The following SPPL2B variants were observed in gnomAD, a reference collection of about 807,000 sequenced individuals.
The protein encoded by SPPL2B is signal peptide peptidase-like 2B.
SPPL2B carries 39 observed loss-of-function variants against 59.7 expected under a neutral mutation model. The ratio of observed to expected loss-of-function variants is 0.65; its 90% CI spans 0.51 to 0.85. SPPL2B has a LOEUF of 0.85. SPPL2B is among the 40% of genes least tolerant of loss of function. The pLI, the probability that SPPL2B is intolerant of heterozygous loss-of-function variation, is 0.00. For missense variants in SPPL2B, 865 were observed against 849.0 expected (o/e 1.02, Z -0.23); for synonymous variants, 419 against 370.8 (o/e 1.13, Z -1.49).
In SPPL2B at chr19:2,345,318, G is replaced by A. The variant is rs758377846; in HGVS notation, c.1342G>A (p.Ala448Thr). ...QVQSSRVYFV[A>T]CTIAYGVGLL... ...ACAGTCCTCCAGGGTATACTTCGTG[G>A]CCTGCACCATCGGTAAGTGCCTCGG... Residue 448 changes from alanine to threonine, a missense_variant, in exon 13 of 15, where the codon GCC (alanine) becomes ACC (threonine). Ala to Thr is a moderately conservative substitution (Grantham distance 58). Coordinates refer to ENST00000613503, the MANE Select transcript of SPPL2B (RefSeq NM_152988.3). The A allele has an allele frequency of 1.4e-5, 23 of 1,613,184 alleles. 1 individual carries two copies. In the South Asian group the frequency reaches 1.9e-4, roughly 13 times the overall value.
intron 2 of SPPL2B, among the ~76,000 whole-genome samples, chr19:2,336,152 G>A (rs1002731074): frequency 1.3e-5 from 2 of 152,264 alleles, no homozygotes; most frequent in South Asian, 2.1e-4. Flanking sequence ...ACACCTGTGT[G>A]TGTGAGCATG....
At chr19:2,336,688 G>T (rs537083498) in intron 2 of SPPL2B, among the ~76,000 whole-genome samples, 30 of 150,816 alleles carry the variant, frequency 2.0e-4, no homozygotes, top group Admixed American at 2.0e-3. Context: ...CTGCTTGAGT[G>T]TGAGTGTGCA....
chr19:2,347,900 G>A (rs374734777), intron 13 of SPPL2B, among the ~76,000 whole-genome samples: 4 of 21,676 alleles, frequency 1.8e-4, no homozygotes, highest in Admixed American at 7.1e-4. Context: ...ACACACTCAC[G>A]CACTCTTATT....
intron 12 of SPPL2B, among the ~76,000 whole-genome samples, chr19:2,345,003 C>T (rs1364796658): frequency 1.3e-5 from 2 of 152,158 alleles, no homozygotes; most frequent in African/African-American, 2.4e-5. Context: ...CTCGCAGCCT[C>T]AGTGTCCCCA....
chr19:2,332,770 G>A lies in SPPL2B; in HGVS notation c.67-1832G>A, dbSNP rs1295856977. ...CTCCCTGTGCAGGCCGGGCTCCCCT[G>A]GGGGCCCACACTGAGGGTCTGCAGT... On this transcript the variant is annotated intron_variant, in intron 1 of 14. Transcript: ENST00000613503. The surrounding 1 kb of genome is among the most constrained non-coding windows in gnomAD (Gnocchi z 4.6). 1.3e-5 allele frequency among the ~76,000 whole-genome samples: 2 copies of A among 152,292 alleles called. No individual in the cohort carries two copies. Among genetic ancestry groups the A allele is most frequent in the East Asian group, 3.9e-4 (2 of 5,180 alleles).
At chr19:2,352,596 C>G (rs1246673618) in intron 14 of SPPL2B, among the ~76,000 whole-genome samples, 1 of 152,138 alleles carries the variant, frequency 6.6e-6, no homozygotes, top group Non-Finnish European at 1.5e-5. Flanking sequence ...AGCACCCCCA[C>G]CCCAAAGGTC....
At chr19:2,341,576 C>T (rs748664169) in intron 8 of SPPL2B, 5 of 454,958 alleles carry the variant, frequency 1.1e-5, no homozygotes, top group South Asian at 6.2e-5. Context: ...ACAGAGCTGG[C>T]CCGTCCCCGC....
chr19:2,336,349 A>G (rs1236178450), intron 2 of SPPL2B, among the ~76,000 whole-genome samples: 2 of 151,706 alleles, frequency 1.3e-5, no homozygotes, highest in Admixed American at 1.3e-4. Flanking sequence ...GGATGTGTGC[A>G]TGTGTCTGCA....
Position 2,343,202 on chromosome 19 carries a change from G to C in SPPL2B, c.957-9G>C. 6.4e-7 allele frequency: 1 copy of C among 1,552,512 alleles called. No individual in the cohort carries two copies. Among genetic ancestry groups the C allele is most frequent in the East Asian group, 2.4e-5 (1 of 41,128 alleles). Reference sequence around the variant, plus strand: ...TCTGCCCCGGCGAGGATGCTGCTTTGTCTTGCAGGTGGGCCTGGGTCCTCC... The same window carrying C: ...TCTGCCCCGGCGAGGATGCTGCTTTCTCTTGCAGGTGGGCCTGGGTCCTCC... On this transcript the variant is annotated splice_polypyrimidine_tract_variant and intron_variant, in intron 8 of 14. Transcript: ENST00000613503.
chr19:2,339,850 A>T lies in SPPL2B; in HGVS notation c.626A>T (p.Asp209Val), dbSNP rs779700235. Residue 209 changes from aspartate (D) to valine (V), a missense_variant, in exon 6 of 15, where the codon GAT becomes GTT. Transcript: ENST00000613503. ...AGGTACATGAAGCACAAGCGCGACG[A>T]TGGGCCCGAGAAGCAGGAGGACGAG... ...KKRYMKHKRDDGPEKQEDEAV... is the reference protein window; with the variant it reads ...KKRYMKHKRDVGPEKQEDEAV... The T allele has an allele frequency of 1.9e-6, 3 of 1,606,364 alleles. No individual in the cohort carries two copies. The South Asian group carries it at 3.4e-5, about 18-fold the overall frequency.
At chr19:2,337,763 G>C in intron 3 of SPPL2B, 138 bp downstream of exon 3, 1 of 891,916 alleles carries the variant, frequency 1.1e-6, no homozygotes, top group Non-Finnish European at 1.6e-6. Flanking sequence ...GATCTGGGCC[G>C]AGTGTGAACA....
At chr19:2,338,080 T>A (rs1332032037) in intron 3 of SPPL2B, 1 of 160,352 alleles carries the variant, frequency 6.2e-6, no homozygotes, top group Non-Finnish European at 1.4e-5. Flanking sequence ...CTTTTCCATC[T>A]TCTGTGAAAT....
intron 4 of SPPL2B, 98 bp downstream of exon 4, chr19:2,338,939 A>G: frequency 2.0e-6 from 3 of 1,497,238 alleles, no homozygotes; most frequent in Non-Finnish European, 2.7e-6. Context: ...TGGTGGGATC[A>G]GGGTGGTGGG....
intron 11 of SPPL2B, 47 bp from the exon 12 acceptor site, chr19:2,344,506 G>C (rs1363003014): frequency 6.3e-7 from 1 of 1,581,824 alleles, no homozygotes; most frequent in Non-Finnish European, 8.6e-7. Context: ...GCATCCCGCG[G>C]CCGGGTGAGG....
Position 2,340,445 on chromosome 19 carries a change from T to G in SPPL2B, c.839+273T>G, listed in dbSNP as rs542589036. On this transcript the variant is annotated intron_variant, in intron 7 of 14. Transcript: ENST00000613503. ...CCCAGGTCGCAGGCCGAACCCTGGG[T>G]TCCCCAGGGTTCTCCGGGGAACCCA... The G allele has an allele frequency of 6.8e-5, 42 of 616,818 alleles. No individual in the cohort carries two copies. In the East Asian group the frequency reaches 9.8e-4, roughly 14 times the overall value. The allele number at this position is 616,818 out of a possible 1,614,324, so 38.2% of individuals were successfully genotyped here. A position where few individuals can be genotyped will look rare whatever the true frequency, so the allele number is the denominator to read the frequency against.
rs370817772 is a variant in SPPL2B at position 2,334,772 on chromosome 19, G to A, written c.186+51G>A. On this transcript the variant is annotated intron_variant, in intron 2 of 14. Transcript: ENST00000613503. ...CTGCGGAGGAGAATGCGGGGGCCCC[G>A]GGGCTCTAGAGACACATCCGGCTGG... The A allele has an allele frequency of 2.0e-3, 2,933 of 1,473,754 alleles. 15 individuals carry two copies. The highest frequency in any genetic ancestry group is 4.7e-3 in the South Asian group (337 of 72,330). The allele number at this position is 1,473,754 out of a possible 1,614,324, so 91.3% of individuals were successfully genotyped here.
chr19:2,338,911 G>A (rs1222073067), intron 4 of SPPL2B, 70 bp downstream of exon 4: 2 of 1,540,374 alleles, frequency 1.3e-6, no homozygotes, highest in Non-Finnish European at 1.8e-6. Context: ...TGGCTGCCGG[G>A]GGGGTTTGTG....
At chr19:2,333,924 C>T (rs907313148) in intron 1 of SPPL2B, among the ~76,000 whole-genome samples, 1 of 152,230 alleles carries the variant, frequency 6.6e-6, no homozygotes, top group Admixed American at 6.5e-5. Context: ...CTGGTGGCAG[C>T]GTGACCTGTT....
Position 2,353,084 on chromosome 19 carries a change from A to T in SPPL2B, c.1654A>T (p.Lys552Ter). The T allele has an allele frequency of 6.2e-7, 1 of 1,611,672 alleles. No individual in the cohort carries two copies. Among genetic ancestry groups the T allele is most frequent in the Non-Finnish European group, 8.5e-7 (1 of 1,179,488 alleles). Residue 552 changes from lysine (K) to a stop codon, truncating the protein, a stop_gained, in exon 15 of 15, where the codon AAA (lysine) becomes TAA (stop). Coordinates refer to ENST00000613503, the MANE Select transcript of SPPL2B (RefSeq NM_152988.3). LOFTEE classifies it low-confidence loss of function (END_TRUNC). ...CCCCTGGCCTGCTGAGCAGTCCCCA[A>T]AATCACGCACGTCCGAGGAGATGGG... ...TSPWPAEQSP[K>*]SRTSEEMGAG... is the part of the protein sequence containing the mutation.
Sources: gnomAD v4.1 joint callset for allele counts (sites outside exome capture counted in the v4.1 genomes callset) on GRCh38, gnomAD v4.1.1 for gene constraint, Gnocchi (gnomAD v3.1) non-coding constraint, MANE v1.5 for transcripts, NCBI Gene and HGNC (gene_info 2026-07-23, HGNC 2026-07-21) for gene names.